The following NOS1AP variants were observed in gnomAD, a reference collection of about 807,000 sequenced individuals.
NOS1AP encodes the protein nitric oxide synthase 1 adaptor protein, also known as carboxyl-terminal PDZ ligand of neuronal nitric oxide synthase protein.
Under a neutral mutation model 56.2 loss-of-function variants are expected in NOS1AP, and 21 were observed. That is an observed-to-expected ratio of 0.37 (90% CI 0.26 to 0.54). The LOEUF (loss-of-function observed/expected upper bound fraction) is 0.54, where lower values mean the gene tolerates loss of function less well. Among genes scored for constraint, NOS1AP ranks in the 20% least tolerant of loss-of-function variants. The pLI is 0.84. For missense variants in NOS1AP, 522 were observed against 657.8 expected, an observed-to-expected ratio of 0.79 and a Z score of 2.26; for synonymous variants, 270 against 274.6, an observed-to-expected ratio of 0.98 and a Z score of 0.17.
chr1:162,189,080 T>A (rs1257659394), intron 2 of NOS1AP, among the ~76,000 whole-genome samples: 1 of 151,334 alleles, frequency 6.6e-6, no homozygotes, highest in Non-Finnish European at 1.5e-5. Flanking sequence ...AATAAATAAA[T>A]AAAAAGATTA....
At chr1:162,144,609 C>G (rs1400130831) in intron 1 of NOS1AP, among the ~76,000 whole-genome samples, 19 of 151,902 alleles carry the variant, frequency 1.3e-4, no homozygotes, top group Non-Finnish European at 1.5e-5. Context: ...AGAAAATAAC[C>G]TGCTGGCCAA....
chr1:162,149,017 G>A (rs1462162162), intron 1 of NOS1AP, among the ~76,000 whole-genome samples: 1 of 152,184 alleles, frequency 6.6e-6, no homozygotes, highest in Non-Finnish European at 1.5e-5. Context: ...GATGAGGAAG[G>A]CTAGAGGAGG....
intron 6 of NOS1AP, among the ~76,000 whole-genome samples, chr1:162,353,086 G>A (rs369246013): frequency 4.9e-5 from 6 of 122,358 alleles, no homozygotes; most frequent in South Asian, 2.7e-4. Flanking sequence ...GCCCCCTGAC[G>A]ATCCTTCGAA....
chr1:162,252,505 G>A (rs774558478), intron 2 of NOS1AP, among the ~76,000 whole-genome samples: 11 of 152,190 alleles, frequency 7.2e-5, no homozygotes, highest in Non-Finnish European at 1.5e-4. Flanking sequence ...TAGAAATTCA[G>A]GCTGTGAGGT....
At chr1:162,256,450 A>G (rs537575110) in intron 2 of NOS1AP, among the ~76,000 whole-genome samples, 2 of 152,298 alleles carry the variant, frequency 1.3e-5, no homozygotes, top group South Asian at 4.1e-4. Flanking sequence ...CTTGTTGGCC[A>G]ATCCCCGCAC....
chr1:162,321,542 G>A (rs916264026), intron 4 of NOS1AP, among the ~76,000 whole-genome samples: 1 of 151,866 alleles, frequency 6.6e-6, no homozygotes, highest in Non-Finnish European at 1.5e-5. Flanking sequence ...ACACAGGGTG[G>A]GGGACATCAC....
At chr1:162,292,575 C>A (rs1178076454) in intron 3 of NOS1AP, among the ~76,000 whole-genome samples, 1 of 152,176 alleles carries the variant, frequency 6.6e-6, no homozygotes, top group East Asian at 1.9e-4. Context: ...AAGGTTCGAA[C>A]CTTGTCTTAC....
At chr1:162,120,059 T>C (rs1476403566) in intron 1 of NOS1AP, among the ~76,000 whole-genome samples, 4 of 141,612 alleles carry the variant, frequency 2.8e-5, no homozygotes, top group Admixed American at 7.4e-5. Context: ...TTTATATATA[T>C]GTATATGCAT....
intron 1 of NOS1AP, among the ~76,000 whole-genome samples, chr1:162,147,715 T>C (rs1649533005): frequency 6.6e-6 from 1 of 152,282 alleles, no homozygotes; most frequent in South Asian, 2.1e-4. Flanking sequence ...TAGCTCCTGC[T>C]TATCTGGAAG....
chr1:162,230,302 G>A (rs1420651096), intron 2 of NOS1AP, among the ~76,000 whole-genome samples: 1 of 152,176 alleles, frequency 6.6e-6, no homozygotes, highest in Non-Finnish European at 1.5e-5. Flanking sequence ...CTGTGCCATA[G>A]AAGTAAGAAC....
intron 4 of NOS1AP, among the ~76,000 whole-genome samples, chr1:162,311,243 C>T (rs1656016879): frequency 6.6e-6 from 1 of 152,206 alleles, no homozygotes; most frequent in South Asian, 2.1e-4. Flanking sequence ...TTCTGTGTTG[C>T]CCTGCAGTAT....
intron 2 of NOS1AP, among the ~76,000 whole-genome samples, chr1:162,232,787 G>A (rs1205583253): frequency 6.7e-6 from 1 of 148,436 alleles, no homozygotes; most frequent in Non-Finnish European, 1.5e-5. Flanking sequence ...TACCTATTAT[G>A]TACCTTTATT....
intron 2 of NOS1AP, among the ~76,000 whole-genome samples, chr1:162,186,129 A>G (rs770563691): frequency 6.6e-6 from 1 of 152,224 alleles, no homozygotes; most frequent in Non-Finnish European, 1.5e-5. Context: ...TGATGGATCT[A>G]TATTCAGCAC....
At chr1:162,295,468 T>C (rs891499376) in intron 3 of NOS1AP, among the ~76,000 whole-genome samples, 2 of 152,352 alleles carry the variant, frequency 1.3e-5, no homozygotes, top group South Asian at 2.1e-4. Flanking sequence ...TATAATCCCA[T>C]AGGTTTGGGA....
chr1:162,235,442 ATCT>A (rs1486655477), intron 2 of NOS1AP, among the ~76,000 whole-genome samples: 2 of 152,108 alleles, frequency 1.3e-5, no homozygotes, highest in Non-Finnish European at 2.9e-5. Context: ...CCTCTCCCTG[ATCT>A]CTGCACCTTG....
intron 1 of NOS1AP, among the ~76,000 whole-genome samples, chr1:162,132,078 A>T (rs1036357837): frequency 1.3e-5 from 2 of 152,226 alleles, no homozygotes; most frequent in Admixed American, 6.5e-5. Flanking sequence ...TGTGTCCCAG[A>T]CATGTGATTC....
At chr1:162,300,813 T>C (rs1236283561) in intron 4 of NOS1AP, 107 bp downstream of exon 4, 1 of 911,984 alleles carries the variant, frequency 1.1e-6, no homozygotes, top group African/African-American at 1.6e-5. Flanking sequence ...AATAAACTTC[T>C]ATGCTTTTCC....
At chr1:162,342,359 A>G (rs1657136748) in intron 5 of NOS1AP, among the ~76,000 whole-genome samples, 1 of 152,222 alleles carries the variant, frequency 6.6e-6, no homozygotes, top group Admixed American at 6.5e-5. Flanking sequence ...TCAAATTGAC[A>G]TGTAGATGAT....
At chr1:162,285,986 T>A (rs1292369238) in intron 2 of NOS1AP, among the ~76,000 whole-genome samples, 1 of 152,166 alleles carries the variant, frequency 6.6e-6, no homozygotes, top group African/African-American at 2.4e-5. Context: ...CAAGAATGTT[T>A]CTTGTGGAAA....
Sources: allele counts gnomAD v4.1 joint callset (sites outside exome capture counted in the v4.1 genomes callset), GRCh38; gene constraint gnomAD v4.1.1; transcripts MANE v1.5; gene names NCBI Gene and HGNC (gene_info 2026-07-23, HGNC 2026-07-21).